The following ARHGEF28 variants were observed in gnomAD, a reference collection of about 807,000 sequenced individuals.
ARHGEF28 encodes the protein 190 kDa guanine nucleotide exchange factor.
A neutral mutation model predicts 206.6 loss-of-function variants in ARHGEF28; 152 were observed. That is an observed-to-expected ratio of 0.74 (90% CI 0.64 to 0.84). ARHGEF28 has a LOEUF of 0.84. Ranked by LOEUF, ARHGEF28 falls within the 40% of genes least tolerant of loss-of-function variation. The pLI is 0.00. For synonymous variants in ARHGEF28, 763 were observed against 776.4 expected (o/e 0.98, Z 0.29); for missense variants, 2,028 against 2,073.2 (o/e 0.98, Z 0.42).
At position 73,730,534 on chromosome 5, in the gene ARHGEF28, ATTTTTT is replaced by A. The variant is rs968990208; in HGVS notation, c.34-19288_34-19283del. 4.8e-3 allele frequency among the ~76,000 whole-genome samples: 566 copies of A among 117,414 alleles called. 4 individuals carry two copies. Among genetic ancestry groups the A allele is most frequent in the African/African-American group, 0.019 (538 of 28,262 alleles). The allele number at this position is 117,414 out of a possible 152,430, so 77.0% of individuals were successfully genotyped here. On this transcript the variant is annotated intron_variant, in intron 2 of 35. Coordinates refer to ENST00000513042, the MANE Select transcript of ARHGEF28 (RefSeq NM_001177693.2). ...GTTCAAACTGTCCACCATAAGGAGG[ATTTTTT>A]TTTTTTTTTTTTTTGTCAGGGTTTC...
chr5:73,720,407 C>A (rs1005317093), intron 2 of ARHGEF28, among the ~76,000 whole-genome samples: 2 of 151,974 alleles, frequency 1.3e-5, no homozygotes, highest in Non-Finnish European at 2.9e-5. Context: ...AGAATTTTGA[C>A]AAAGGAGTAG....
At chr5:73,878,912 G>T (rs892249521) in intron 22 of ARHGEF28, among the ~76,000 whole-genome samples, 1 of 151,936 alleles carries the variant, frequency 6.6e-6, no homozygotes, top group Non-Finnish European at 1.5e-5. Flanking sequence ...CTTGGAGTTG[G>T]TCTTCTCGAG....
In ARHGEF28 at chr5:73,836,270, A is replaced by T. The variant is rs151013587; in HGVS notation, c.1146+3811A>T. Among the ~76,000 whole-genome samples the T allele has an allele frequency of 7.4e-5, 11 of 147,712 alleles. No homozygotes were observed. The East Asian group carries it at 2.2e-3, about 29-fold the overall frequency. The stretch of plus-strand genomic sequence containing the variant: ...TGCTGATTTACATTCCCAACAGTGT[A>T]TAAGAATTCCCCTTTCTCCACATCC... On this transcript the variant is annotated intron_variant, in intron 10 of 35. Transcript: ENST00000513042.
chr5:73,810,160 A>G (rs1438559911), intron 9 of ARHGEF28, among the ~76,000 whole-genome samples: 1 of 152,212 alleles, frequency 6.6e-6, no homozygotes, highest in Non-Finnish European at 1.5e-5. Context: ...TTCTAGTTGT[A>G]TGTTAACTGT....
chr5:73,628,785 T>A (rs1743172580), intron 1 of ARHGEF28, among the ~76,000 whole-genome samples: 1 of 152,222 alleles, frequency 6.6e-6, no homozygotes, highest in African/African-American at 2.4e-5. Context: ...ACATCTCTAC[T>A]TAGGCAAAGC....
At chr5:73,927,219 A>G (rs902814083) in intron 35 of ARHGEF28, among the ~76,000 whole-genome samples, 1 of 152,078 alleles carries the variant, frequency 6.6e-6, no homozygotes, top group Admixed American at 6.5e-5. Context: ...AAAATAAAAA[A>G]TAAAAAACTT....
At position 73,814,763 on chromosome 5, in the gene ARHGEF28, G is replaced by C. The variant is rs545159841; in HGVS notation, c.1025-17575G>C. 4.6e-5 allele frequency among the ~76,000 whole-genome samples: 7 copies of C among 152,226 alleles called. No individual in the cohort carries two copies. The South Asian group carries it at 1.4e-3, about 32-fold the overall frequency. On this transcript the variant is annotated intron_variant, in intron 9 of 35. Coordinates refer to ENST00000513042, the MANE Select transcript of ARHGEF28 (RefSeq NM_001177693.2). Reference sequence around the variant, plus strand: ...GACGCTAGCAGTTGTCAGCAAACCAGCTTAGCTTCAAGCATCTTCTTTCTT... The same window carrying C: ...GACGCTAGCAGTTGTCAGCAAACCACCTTAGCTTCAAGCATCTTCTTTCTT...
chr5:73,761,786 T>G (rs1752613914), intron 4 of ARHGEF28, among the ~76,000 whole-genome samples: 1 of 152,162 alleles, frequency 6.6e-6, no homozygotes, highest in African/African-American at 2.4e-5. Flanking sequence ...AGGAGAAGCA[T>G]GAGTGACGGA....
At chr5:73,864,723 T>G in intron 16 of ARHGEF28, 94 bp from the exon 17 acceptor site, 1 of 1,101,270 alleles carries the variant, frequency 9.1e-7, no homozygotes, top group Non-Finnish European at 1.3e-6. Flanking sequence ...TTATGTGTTT[T>G]TTTATAATGA....
chr5:73,789,851 AT>A (rs1754369084), intron 7 of ARHGEF28, among the ~76,000 whole-genome samples: 1 of 152,064 alleles, frequency 6.6e-6, no homozygotes, highest in African/African-American at 2.4e-5. Flanking sequence ...GAAATCCCAA[AT>A]CTTATAAGGA....
intron 1 of ARHGEF28, among the ~76,000 whole-genome samples, chr5:73,681,951 T>C (rs1160353719): frequency 6.6e-6 from 1 of 152,084 alleles, no homozygotes; most frequent in Non-Finnish European, 1.5e-5. Context: ...AAATACAACT[T>C]AGCACGCCTA....
In ARHGEF28 at chr5:73,876,224, C is replaced by T. The variant is rs1381160668; in HGVS notation, c.2814+2978C>T. 1.7e-3 allele frequency among the ~76,000 whole-genome samples: 226 copies of T among 133,450 alleles called. 2 individuals carry two copies. Among genetic ancestry groups the T allele is most frequent in the African/African-American group, 6.3e-3 (213 of 33,808 alleles). 87.5% of individuals were successfully genotyped at this position (133,450 alleles called of 152,430 possible). ...ACTCATGATTTGGCTCTCTGTTTGTCTGTTATTGGTGTATAAGAATGCTTG... is the reference window on the plus strand; with the variant it reads ...ACTCATGATTTGGCTCTCTGTTTGTTTGTTATTGGTGTATAAGAATGCTTG... On this transcript the variant is annotated intron_variant, in intron 22 of 35. Coordinates refer to ENST00000513042, the MANE Select transcript of ARHGEF28 (RefSeq NM_001177693.2).
At chr5:73,634,300 A>G (rs1032938381) in intron 1 of ARHGEF28, among the ~76,000 whole-genome samples, 1 of 152,214 alleles carries the variant, frequency 6.6e-6, no homozygotes, top group Non-Finnish European at 1.5e-5. Context: ...TTGTATCAGC[A>G]TCTGGTTCTT....
chr5:73,843,192 A>T (rs1399768305), intron 11 of ARHGEF28, among the ~76,000 whole-genome samples: 2 of 152,218 alleles, frequency 1.3e-5, no homozygotes, highest in Non-Finnish European at 2.9e-5. Context: ...TTAACATTTC[A>T]CTGCTACAGA....
intron 2 of ARHGEF28, among the ~76,000 whole-genome samples, chr5:73,700,581 G>A (rs1748538356): frequency 6.6e-6 from 1 of 152,124 alleles, no homozygotes. Context: ...GGGTGACTAT[G>A]GTTAACAGTA....
intron 35 of ARHGEF28, 31 bp from the exon 36 acceptor site, chr5:73,940,813 T>A (rs1430150140): frequency 1.4e-6 from 2 of 1,410,614 alleles, no homozygotes; most frequent in Non-Finnish European, 1.8e-6. Context: ...TCAGGTGGCC[T>A]CCTGTAACCT....
At chr5:73,729,433 T>G (rs1750474367) in intron 2 of ARHGEF28, among the ~76,000 whole-genome samples, 2 of 146,968 alleles carry the variant, frequency 1.4e-5, no homozygotes, top group Non-Finnish European at 2.9e-5. Context: ...AGCTGCAGTA[T>G]TTACTCTATC....
At chr5:73,771,058 C>T (rs1753194117) in intron 4 of ARHGEF28, among the ~76,000 whole-genome samples, 1 of 152,216 alleles carries the variant, frequency 6.6e-6, no homozygotes, top group East Asian at 1.9e-4. Context: ...TAGGGCATTG[C>T]ACCAGACATG....
Position 73,940,316 on chromosome 5 carries a change from G to A in ARHGEF28, c.4949-528G>A, listed in dbSNP as rs1742522433. Among the ~76,000 whole-genome samples the A allele has an allele frequency of 2.0e-5, 3 of 152,188 alleles. No homozygotes were observed. The South Asian group carries it at 6.2e-4, about 32-fold the overall frequency. ...TGGCTGCTCTTGCTGAGTACTTTGT[G>A]TAGTATTAACAGATCTGTGATTAAC... On this transcript the variant is annotated intron_variant, in intron 35 of 35. Coordinates refer to ENST00000513042, the MANE Select transcript of ARHGEF28 (RefSeq NM_001177693.2).
Sources: gnomAD v4.1 joint callset for allele counts (sites outside exome capture counted in the v4.1 genomes callset) on GRCh38, gnomAD v4.1.1 for gene constraint, MANE v1.5 for transcripts, NCBI Gene and HGNC (gene_info 2026-07-23, HGNC 2026-07-21) for gene names.